Variants in ANO2 observed in about 807,000 individuals in gnomAD.
ANO2 encodes anoctamin 2.
Under a neutral mutation model 124.2 loss-of-function variants are expected in ANO2, and 101 were observed. The observed-to-expected ratio is 0.81, with a 90% CI of 0.69 to 0.96. ANO2 has a LOEUF of 0.96. ANO2 is among the 40% of genes least tolerant of loss of function. The pLI is 0.00. For missense variants in ANO2, 1,293 were observed against 1,274.5 expected (o/e 1.01, Z -0.22); for synonymous variants, 486 against 482.5 (o/e 1.01, Z -0.09).
At chr12:5,691,880 G>A (rs1022269491) in intron 14 of ANO2, among the ~76,000 whole-genome samples, 1 of 152,060 alleles carries the variant, frequency 6.6e-6, no homozygotes, top group African/African-American at 2.4e-5. Flanking sequence ...CTCCAGCCTG[G>A]GTGACAGAGC....
chr12:5,818,915 T>C (rs1953698116), intron 7 of ANO2, among the ~76,000 whole-genome samples: 3 of 152,144 alleles, frequency 2.0e-5, no homozygotes, highest in Admixed American at 2.0e-4. Context: ...TCAGGGATTC[T>C]AACTCCCAAC....
At chr12:5,884,719 G>C (rs1482428861) in intron 3 of ANO2, among the ~76,000 whole-genome samples, 1 of 152,172 alleles carries the variant, frequency 6.6e-6, no homozygotes, top group Non-Finnish European at 1.5e-5. Context: ...CATGACCTAG[G>C]ACAATATGCT....
Position 5,769,068 on chromosome 12 carries a change from G to A in ANO2, c.1056-18098C>T, listed in dbSNP as rs1951990725. On this transcript the variant is annotated intron_variant, in intron 10 of 24. Coordinates refer to ENST00000682330, the MANE Select transcript of ANO2 (RefSeq NM_001364791.2). This position sits in a 1 kb window ranked among gnomAD's most constrained non-coding sequence, Gnocchi z 4.0. ...GACAGCTGGAAACAACACAGCAAAT[G>A]GGATGAGAACTGCTCAAAAATTCCA... 6.6e-6 allele frequency among the ~76,000 whole-genome samples: 1 copy of A among 152,134 alleles called. No homozygotes were observed. The highest frequency in any genetic ancestry group is 6.6e-5 in the Admixed American group (1 of 15,264).
At chr12:5,875,819 T>A (rs1008169631) in intron 3 of ANO2, among the ~76,000 whole-genome samples, 1 of 151,476 alleles carries the variant, frequency 6.6e-6, no homozygotes. Context: ...CTAGGCTACA[T>A]CTAGAATGAC....
At chr12:5,649,125 C>G (rs1460275658) in intron 14 of ANO2, among the ~76,000 whole-genome samples, 1 of 152,090 alleles carries the variant, frequency 6.6e-6, no homozygotes, top group African/African-American at 2.4e-5. Context: ...ACCCACACAC[C>G]GAAAGGTTTA....
chr12:5,945,772 C>T (rs1943076356), upstream of ANO2, among the ~76,000 whole-genome samples: 2 of 152,210 alleles, frequency 1.3e-5, no homozygotes, highest in South Asian at 4.1e-4. Flanking sequence ...CTCACCTTCC[C>T]CTAGGTTAAG....
chr12:5,819,604 T>C (rs576030697), intron 7 of ANO2, among the ~76,000 whole-genome samples: 11 of 152,286 alleles, frequency 7.2e-5, no homozygotes, highest in African/African-American at 2.6e-4. Context: ...TCCAAAGGGT[T>C]AGGGAGATTG....
rs189996893 is a variant in ANO2 at position 5,878,126 on chromosome 12, A to G, written c.535-23985T>C. Among the ~76,000 whole-genome samples, 5 of 152,382 alleles carry G rather than the reference A, an allele frequency of 3.3e-5. No individual in the cohort carries two copies. In the East Asian group the frequency reaches 5.8e-4, roughly 18 times the overall value. On this transcript the variant is annotated intron_variant, in intron 3 of 24. Coordinates refer to ENST00000682330, the MANE Select transcript of ANO2 (RefSeq NM_001364791.2). The stretch of plus-strand genomic sequence containing the variant: ...ACACAAAGTTCTGGTTTTCCATTTT[A>G]CTACAATCACTACTATGAATGGGAA...
At chr12:5,946,018 C>A, upstream of ANO2, 1 of 1,088,010 alleles carries the variant, frequency 9.2e-7, no homozygotes, top group Non-Finnish European at 1.4e-6. This position sits in a 1 kb window ranked among gnomAD's most constrained non-coding sequence, Gnocchi z 4.1. Context: ...GGAAGACCTC[C>A]AAAGGGCCCT....
chr12:5,900,846 T>C lies in ANO2; in HGVS notation c.534+20194A>G, dbSNP rs759480916. The stretch of plus-strand genomic sequence containing the variant: ...TCAAGGCCAAGAGGGCAGGAAGGCG[T>C]CTCCTTGTTCTCGGCTCAGGAGACT... On this transcript the variant is annotated intron_variant, in intron 3 of 24. Coordinates refer to ENST00000682330, the MANE Select transcript of ANO2 (RefSeq NM_001364791.2). The surrounding 1 kb of genome is among the most constrained non-coding windows in gnomAD (Gnocchi z 4.2). Among the ~76,000 whole-genome samples, 1 of 152,150 alleles carries C rather than the reference T, an allele frequency of 6.6e-6. No individual in the cohort carries two copies. The highest frequency in any genetic ancestry group is 1.5e-5 in the Non-Finnish European group (1 of 68,034).
rs533413826 is a variant in ANO2 at position 5,629,654 on chromosome 12, G to A, written c.1816+5498C>T. On this transcript the variant is annotated intron_variant, in intron 16 of 24. Transcript: ENST00000682330. ...ACAGCCACCACCTGTATCCCCTCCT[G>A]GAGTGAATGGATCACTGGGGACTAA... 2.0e-5 allele frequency among the ~76,000 whole-genome samples: 3 copies of A among 152,174 alleles called. No individual in the cohort carries two copies. The South Asian group carries it at 6.2e-4, about 32-fold the overall frequency.
intron 1 of ANO2, among the ~76,000 whole-genome samples, chr12:5,937,360 T>C (rs1942692540): frequency 6.6e-6 from 1 of 152,222 alleles, no homozygotes; most frequent in African/African-American, 2.4e-5. Context: ...TATGTCTTCT[T>C]TGGAGAAATG....
chr12:5,762,654 G>C (rs1300132830), intron 10 of ANO2, among the ~76,000 whole-genome samples: 1 of 151,776 alleles, frequency 6.6e-6, no homozygotes, highest in Non-Finnish European at 1.5e-5. Flanking sequence ...ATGATAGAAA[G>C]GTGGGAAGAG....
intron 5 of ANO2, 99 bp downstream of exon 5, chr12:5,832,353 G>A: frequency 7.1e-7 from 1 of 1,413,840 alleles, no homozygotes; most frequent in South Asian, 1.3e-5. Context: ...AGGCACTGGG[G>A]CACCCACTTT....
At chr12:5,918,398 T>C (rs1941498733) in intron 3 of ANO2, among the ~76,000 whole-genome samples, 1 of 151,258 alleles carries the variant, frequency 6.6e-6, no homozygotes, top group Non-Finnish European at 1.5e-5. Flanking sequence ...GAATGACCTC[T>C]GGGGATCCCT....
rs1213069168 is a variant in ANO2 at position 5,832,491 on chromosome 12, T to C, written c.746A>G (p.Lys249Arg). ...RVPEHSNNKM[K>R]NLSYPFSREK... ...CCTGGAGAATGGGTAGGAGAGGTTT[T>C]TCATCTTGTTGTTGCTGTGTTCTGG... is the stretch of plus-strand genomic sequence containing the variant. Residue 249 changes from lysine (K) to arginine (R), a missense_variant, in exon 5 of 25, where the codon AAA (lysine) becomes AGA (arginine). Transcript: ENST00000682330. The C allele has an allele frequency of 1.2e-6, 2 of 1,613,898 alleles. No individual in the cohort carries two copies. Among genetic ancestry groups the C allele is most frequent in the East Asian group, 2.2e-5 (1 of 44,890 alleles).
intron 16 of ANO2, among the ~76,000 whole-genome samples, chr12:5,615,708 T>C (rs576617258): frequency 6.6e-6 from 1 of 152,184 alleles, no homozygotes; most frequent in African/African-American, 2.4e-5. Context: ...TCAAAAAGCT[T>C]ATTAGCCACT....
At chr12:5,848,328 C>G (rs1954750365) in intron 4 of ANO2, among the ~76,000 whole-genome samples, 1 of 152,034 alleles carries the variant, frequency 6.6e-6, no homozygotes, top group Non-Finnish European at 1.5e-5. Flanking sequence ...TTAGTTTCCA[C>G]TATCATCATT....
intron 20 of ANO2, among the ~76,000 whole-genome samples, chr12:5,587,500 A>C (rs11063768): frequency 1.3e-5 from 2 of 152,192 alleles, no homozygotes; most frequent in Non-Finnish European, 2.9e-5. Flanking sequence ...GCCCTGAGGA[A>C]AACCCCATGA....
Sources: allele counts gnomAD v4.1 joint callset (sites outside exome capture counted in the v4.1 genomes callset), GRCh38; gene constraint gnomAD v4.1.1; non-coding constraint Gnocchi (gnomAD v3.1); transcripts MANE v1.5; gene names NCBI Gene and HGNC (gene_info 2026-07-23, HGNC 2026-07-21).